PREX1: variants seen among roughly 807,000 people sequenced by gnomAD.
The protein encoded by PREX1 is phosphatidylinositol-3,4,5-trisphosphate dependent Rac exchange factor 1, also known as phosphatidylinositol 3,4,5-trisphosphate-dependent Rac exchanger 1 protein.
Under a neutral mutation model 198.3 loss-of-function variants are expected in PREX1, and 41 were observed. The ratio of observed to expected loss-of-function variants is 0.21; its 90% confidence interval spans 0.16 to 0.27. PREX1 has a LOEUF of 0.27. Ranked by LOEUF, PREX1 falls within the 10% of genes least tolerant of loss-of-function variation. PREX1 has a pLI of 1.00. For synonymous variants in PREX1, 843 were observed against 887.2 expected, an observed-to-expected ratio of 0.95 and a Z score of 0.89; for missense variants, 1,620 against 2,200.7, an observed-to-expected ratio of 0.74 and a Z score of 5.28.
intron 4 of PREX1, among the ~76,000 whole-genome samples, chr20:48,730,942 G>A (rs1393318029): frequency 6.6e-6 from 1 of 152,136 alleles, no homozygotes; most frequent in African/African-American, 2.4e-5. Flanking sequence ...GCTGCAGTGG[G>A]CCATGATCAA....
chr20:48,701,516 G>A (rs1365570842), intron 6 of PREX1, among the ~76,000 whole-genome samples: 1 of 152,010 alleles, frequency 6.6e-6, no homozygotes, highest in Non-Finnish European at 1.5e-5. Flanking sequence ...GCCTGGCCTC[G>A]TTCAGTTTTT....
At chr20:48,659,687 C>T (rs1381604150) in intron 16 of PREX1, among the ~76,000 whole-genome samples, 1 of 152,106 alleles carries the variant, frequency 6.6e-6, no homozygotes, top group Non-Finnish European at 1.5e-5. Flanking sequence ...ACAGGAGAGG[C>T]AAGGGAACAG....
chr20:48,809,369 C>G (rs974969086), intron 1 of PREX1, among the ~76,000 whole-genome samples: 23 of 152,178 alleles, frequency 1.5e-4, no homozygotes, highest in African/African-American at 5.3e-4. Context: ...CACCTGGCAT[C>G]CCTCCCCATC....
chr20:48,738,002 CA>C (rs1723935058), intron 3 of PREX1, among the ~76,000 whole-genome samples: 1 of 152,132 alleles, frequency 6.6e-6, no homozygotes, highest in African/African-American at 2.4e-5. Flanking sequence ...TCACGTACAG[CA>C]AAGACAGTTT....
intron 10 of PREX1, among the ~76,000 whole-genome samples, chr20:48,688,249 T>C (rs993045838): frequency 1.3e-5 from 2 of 152,208 alleles, no homozygotes; most frequent in African/African-American, 4.8e-5. Flanking sequence ...AAACCGTTAG[T>C]GCTTTGTGAA....
chr20:48,647,644 C>T (rs1163351676), intron 25 of PREX1, among the ~76,000 whole-genome samples: 1 of 151,910 alleles, frequency 6.6e-6, no homozygotes. Flanking sequence ...CCCCATTTGA[C>T]AAACGAGGAA....
At chr20:48,725,212 C>T (rs1041158516) in intron 5 of PREX1, among the ~76,000 whole-genome samples, 21 of 152,222 alleles carry the variant, frequency 1.4e-4, no homozygotes, top group African/African-American at 4.8e-4. Context: ...CCCCTGTGAG[C>T]AGGTGCGTGA....
In PREX1 at chr20:48,679,658, A is replaced by G. The variant is rs199844877; in HGVS notation, c.1532T>C (p.Met511Thr). The part of the protein sequence containing the change: ...YKARSELEDI[M>T]SKGVRLYCRL... The stretch of plus-strand genomic sequence containing the variant: ...GGGGCGGAGGGCCCCTACCTTGGAC[A>G]TGATGTCCTCCAGCTCACTTCGGGC... Residue 511 changes from methionine to threonine, a missense_variant, in exon 12 of 40, where the codon ATG becomes ACG. Coordinates refer to ENST00000371941, the MANE Select transcript of PREX1 (RefSeq NM_020820.4). 1.2e-6 allele frequency: 2 copies of G among 1,608,026 alleles called. No homozygotes were observed. Among genetic ancestry groups the G allele is most frequent in the East Asian group, 2.2e-5 (1 of 44,860 alleles).
intron 1 of PREX1, among the ~76,000 whole-genome samples, chr20:48,781,826 T>C (rs1192273448): frequency 7.2e-5 from 11 of 152,212 alleles, no homozygotes; most frequent in Non-Finnish European, 1.6e-4. Flanking sequence ...TTGCATGCCC[T>C]CATGACCCAG....
At chr20:48,754,440 G>A (rs1402193286) in intron 1 of PREX1, among the ~76,000 whole-genome samples, 1 of 152,150 alleles carries the variant, frequency 6.6e-6, no homozygotes, top group Non-Finnish European at 1.5e-5. Flanking sequence ...GCTGCCCTTA[G>A]GGGTGCCCCT....
At chr20:48,681,785 G>A (rs1698406354) in intron 10 of PREX1, among the ~76,000 whole-genome samples, 1 of 152,146 alleles carries the variant, frequency 6.6e-6, no homozygotes, top group South Asian at 2.1e-4. Flanking sequence ...TGAATGAACA[G>A]ACAGATGACT....
chr20:48,820,817 G>A (rs938887385), intron 1 of PREX1, among the ~76,000 whole-genome samples: 1 of 152,178 alleles, frequency 6.6e-6, no homozygotes, highest in Non-Finnish European at 1.5e-5. Flanking sequence ...GTCCAGCCCC[G>A]TATGTCGACA....
rs1228467212 is a variant in PREX1 at position 48,649,509 on chromosome 20, G to C, written c.3096C>G (p.Cys1032Trp). The change falls in exon 25 of 40, where the codon TGC (cysteine) becomes TGG (tryptophan). Residue 1032 changes from cysteine (C) to tryptophan (W), a missense_variant. Physicochemically the swap from Cys to Trp is radical, Grantham distance 215 (BLOSUM62 -2). This residue lies in a region of PREX1 where 514 missense variants were observed against 611.6 expected (regional missense o/e 0.84). Coordinates refer to ENST00000371941, the MANE Select transcript of PREX1 (RefSeq NM_020820.4). ...GGGGATCACCCTCTGCAGCAGGCAA[G>C]CACTTCCAGGAGGGAGCAGCCATGG... The part of the protein sequence containing the change: ...ITTMAAPSWK[C>W]LPAAEGDPQG... 6.2e-7 allele frequency: 1 copy of C among 1,613,882 alleles called. No individual in the cohort carries two copies. Among genetic ancestry groups the C allele is most frequent in the African/African-American group, 1.3e-5 (1 of 75,042 alleles).
chr20:48,705,918 G>T (rs986486466), intron 6 of PREX1, among the ~76,000 whole-genome samples: 1 of 152,178 alleles, frequency 6.6e-6, no homozygotes. Flanking sequence ...AAACTTACTC[G>T]AGACAGGGCA....
At chr20:48,658,052 C>G in intron 17 of PREX1, 84 bp downstream of exon 17, 2 of 1,314,402 alleles carry the variant, frequency 1.5e-6, no homozygotes, top group Non-Finnish European at 2.1e-6. Flanking sequence ...ATCTCCTGGG[C>G]TGGGCTGCCT....
At chr20:48,810,585 TAAAAAAAA>T (rs760906489) in intron 1 of PREX1, among the ~76,000 whole-genome samples, 5 of 77,572 alleles carry the variant, frequency 6.4e-5, no homozygotes, top group Non-Finnish European at 1.3e-4. Flanking sequence ...TCACCTCAAT[TAAAAAAAA>T]AAAAAAAAAA....
chr20:48,625,675 T>A lies in PREX1; in HGVS notation c.*210A>T, dbSNP rs780817266. 1 of 577,978 alleles carries A rather than the reference T, an allele frequency of 1.7e-6. No homozygotes were observed. The highest frequency in any genetic ancestry group is 2.9e-6 in the Non-Finnish European group (1 of 342,834). 35.8% of individuals were successfully genotyped at this position (577,978 alleles called of 1,614,324 possible). ...CAGCTTCTGGCAGGCGTGTGAAGAATGGGCCGGCCCAGGGCCAATCAGCCA... is the reference window on the plus strand; with the variant it reads ...CAGCTTCTGGCAGGCGTGTGAAGAAAGGGCCGGCCCAGGGCCAATCAGCCA... On this transcript the variant is annotated 3_prime_UTR_variant, in exon 40 of 40. Transcript: ENST00000371941.
the PREX1 span, among the ~76,000 whole-genome samples, chr20:48,863,810 T>C: frequency 2.6e-5 from 4 of 152,090 alleles, no homozygotes; most frequent in Admixed American, 2.0e-4. Flanking sequence ...CTCAAACTCC[T>C]GACCTCAGGT....
At chr20:48,719,449 G>T (rs186083969) in intron 5 of PREX1, among the ~76,000 whole-genome samples, 4 of 152,212 alleles carry the variant, frequency 2.6e-5, no homozygotes, top group African/African-American at 9.6e-5. Flanking sequence ...CAGGATGAAG[G>T]GGTGGGCACT....
Sources: gnomAD v4.1 joint callset for allele counts (sites outside exome capture counted in the v4.1 genomes callset) on GRCh38, gnomAD v4.1.1 for gene constraint, gnomAD v4.1.1 regional missense constraint, MANE v1.5 for transcripts, NCBI Gene and HGNC (gene_info 2026-07-23, HGNC 2026-07-21) for gene names.